The following NRG2 variants were observed in gnomAD, a reference collection of about 807,000 sequenced individuals.
NRG2 encodes pro-neuregulin-2, membrane-bound isoform.
Under a neutral mutation model 73.9 loss-of-function variants are expected in NRG2, and 27 were observed. That is an observed-to-expected ratio of 0.37 (90% CI 0.27 to 0.50). The LOEUF is 0.50. Ranked by LOEUF, NRG2 falls within the 20% of genes least tolerant of loss-of-function variation. The probability of loss-of-function intolerance (pLI) is 0.96; values close to 1 mark genes in which losing one functional copy is unlikely to be tolerated. For missense variants in NRG2, 1,126 were observed against 1,210.1 expected (o/e 0.93, Z 1.03); for synonymous variants, 532 against 541.0 (o/e 0.98, Z 0.23).
chr5:139,924,272 C>G (rs569457109), intron 1 of NRG2, among the ~76,000 whole-genome samples: 1 of 152,340 alleles, frequency 6.6e-6, no homozygotes, highest in African/African-American at 2.4e-5. Flanking sequence ...AACTCTCTCA[C>G]AAGAGTGCTA....
intron 4 of NRG2, chr5:139,871,216 C>T (rs1197751524): frequency 6.2e-6 from 1 of 160,006 alleles, no homozygotes; most frequent in African/African-American, 2.4e-5. Context: ...CTCTTCTCCC[C>T]TCAAGACTAC....
At chr5:139,878,499 G>A (rs1021931080) in intron 3 of NRG2, among the ~76,000 whole-genome samples, 1 of 152,150 alleles carries the variant, frequency 6.6e-6, no homozygotes, top group Non-Finnish European at 1.5e-5. Context: ...TTTACAGTAG[G>A]AAAGAATGAG....
At chr5:139,978,287 T>G (rs1756527170) in intron 1 of NRG2, among the ~76,000 whole-genome samples, 1 of 152,094 alleles carries the variant, frequency 6.6e-6, no homozygotes. Context: ...GGGCAAAAGA[T>G]ATGAACAGAC....
At chr5:139,923,869 A>G (rs573044423) in intron 1 of NRG2, among the ~76,000 whole-genome samples, 1 of 152,162 alleles carries the variant, frequency 6.6e-6, no homozygotes, top group Non-Finnish European at 1.5e-5. Context: ...CAGCTATATG[A>G]GCACTACCCA....
At chr5:139,943,215 C>T (rs954704445) in intron 1 of NRG2, among the ~76,000 whole-genome samples, 2 of 152,086 alleles carry the variant, frequency 1.3e-5, no homozygotes, top group Non-Finnish European at 2.9e-5. Context: ...GGCGCGATCT[C>T]GGCTCACTGC....
intron 1 of NRG2, among the ~76,000 whole-genome samples, chr5:139,947,884 T>C (rs1753914128): frequency 6.6e-6 from 1 of 152,206 alleles, no homozygotes; most frequent in Non-Finnish European, 1.5e-5. Context: ...CCTTTACCAG[T>C]TCTTTCCAAT....
intron 1 of NRG2, among the ~76,000 whole-genome samples, chr5:139,896,597 C>G (rs1336601776): frequency 6.6e-6 from 1 of 152,140 alleles, no homozygotes; most frequent in Non-Finnish European, 1.5e-5. Context: ...ATATAACATG[C>G]GGAAAACCAG....
chr5:139,948,770 G>A (rs780595469), intron 1 of NRG2, among the ~76,000 whole-genome samples: 1 of 152,226 alleles, frequency 6.6e-6, no homozygotes. Flanking sequence ...CCAGTTAGCA[G>A]GTTGTTGCAG....
chr5:139,851,512 G>T lies in NRG2; in HGVS notation c.1772+92C>A. On this transcript the variant is annotated intron_variant, in intron 9 of 9. Transcript: ENST00000361474. This position sits in a 1 kb window ranked among gnomAD's most constrained non-coding sequence, Gnocchi z 4.2. ...TGAAAAATGGAGATGAGGCTCTTTG[G>T]AGTGTTTCTGAGGGGCCCTAAGGGT... 1 of 1,196,464 alleles carries T rather than the reference G, an allele frequency of 8.4e-7. No individual in the cohort carries two copies. The highest frequency in any genetic ancestry group is 1.2e-6 in the Non-Finnish European group (1 of 831,270). The allele number at this position is 1,196,464 out of a possible 1,614,324, so 74.1% of individuals were successfully genotyped here.
intron 1 of NRG2, among the ~76,000 whole-genome samples, chr5:140,026,838 G>A (rs1399794965): frequency 2.6e-5 from 4 of 152,100 alleles, no homozygotes; most frequent in African/African-American, 2.4e-5. Context: ...GGATAGGAGT[G>A]TCCTAAACAT....
intron 1 of NRG2, among the ~76,000 whole-genome samples, chr5:140,019,313 A>G (rs1192016852): frequency 1.3e-5 from 2 of 152,248 alleles, no homozygotes; most frequent in African/African-American, 4.8e-5. Context: ...GTCACTCCAT[A>G]ACCCCAGAGT....
intron 2 of NRG2, 140 bp from the exon 3 acceptor site, chr5:139,881,114 A>G (rs1458832175): frequency 1.5e-6 from 1 of 675,120 alleles, no homozygotes; most frequent in African/African-American, 1.8e-5. Context: ...CCCTCCCCCC[A>G]GCAATTTCTG....
chr5:139,987,551 G>A (rs1757263896), intron 1 of NRG2, among the ~76,000 whole-genome samples: 2 of 151,994 alleles, frequency 1.3e-5, no homozygotes, highest in Non-Finnish European at 1.5e-5. Context: ...CATCTGTCCA[G>A]GAGAAATTCA....
chr5:139,994,341 C>G (rs1188788523), intron 1 of NRG2, among the ~76,000 whole-genome samples: 1 of 152,204 alleles, frequency 6.6e-6, no homozygotes, highest in East Asian at 1.9e-4. Context: ...AAACTCTTCA[C>G]ATTTGGTAGC....
intron 1 of NRG2, among the ~76,000 whole-genome samples, chr5:139,986,223 G>A (rs932727384): frequency 2.6e-5 from 4 of 152,296 alleles, no homozygotes; most frequent in Non-Finnish European, 5.9e-5. Context: ...AATTTCTGGC[G>A]TTAGCCTAAC....
chr5:139,977,668 G>T (rs559114068), intron 1 of NRG2, among the ~76,000 whole-genome samples: 38 of 151,988 alleles, frequency 2.5e-4, no homozygotes, highest in African/African-American at 9.2e-4. Context: ...AAAGCTGGAG[G>T]CATCACACTA....
intron 5 of NRG2, among the ~76,000 whole-genome samples, chr5:139,864,366 T>C (rs1217012782): frequency 1.3e-5 from 2 of 151,220 alleles, no homozygotes; most frequent in Non-Finnish European, 2.9e-5. Context: ...TTTCTTTCTT[T>C]CTTCTCCTTC....
chr5:140,042,915 T>TTGCTGCTGCTCCTGC lies in NRG2; in HGVS notation c.140_154dup (p.Ser47_Ser51dup). The TTGCTGCTGCTCCTGC allele has an allele frequency of 2.6e-6, 4 of 1,524,230 alleles. No individual in the cohort carries two copies. The highest frequency in any genetic ancestry group is 3.5e-6 in the Non-Finnish European group (4 of 1,131,662). 94.4% of individuals were successfully genotyped at this position (1,524,230 alleles called of 1,614,324 possible). On this transcript the variant is annotated inframe_insertion, in exon 1 of 10. Transcript: ENST00000361474. ...AGCGGGACGAGAGATGCTGCTGTTG[T>TTGCTGCTGCTCCTGC]TGCTGCTGCTCCTGCTGCTGCTGCC...
At chr5:139,928,442 G>A (rs755427953) in intron 1 of NRG2, among the ~76,000 whole-genome samples, 7 of 152,102 alleles carry the variant, frequency 4.6e-5, no homozygotes, top group East Asian at 1.9e-4. Context: ...CACTCTACAC[G>A]TAAGTGCTTC....
Sources: gnomAD v4.1 joint callset for allele counts (sites outside exome capture counted in the v4.1 genomes callset) on GRCh38, gnomAD v4.1.1 for gene constraint, Gnocchi (gnomAD v3.1) non-coding constraint, MANE v1.5 for transcripts, NCBI Gene and HGNC (gene_info 2026-07-23, HGNC 2026-07-21) for gene names.